QSOX1: variants seen among roughly 807,000 people sequenced by gnomAD.
The protein encoded by QSOX1 is sulfhydryl oxidase 1.
Under a neutral mutation model 76.1 loss-of-function variants are expected in QSOX1, and 40 were observed. The ratio of observed to expected loss-of-function variants is 0.53; its 90% CI spans 0.41 to 0.68. The LOEUF (loss-of-function observed/expected upper bound fraction) is 0.68, where lower values mean the gene tolerates loss of function less well. QSOX1 is among the 30% of genes least tolerant of loss of function. The pLI is 0.00. For missense variants in QSOX1, 931 were observed against 974.3 expected (o/e 0.96, Z 0.59); for synonymous variants, 392 against 413.1 (o/e 0.95, Z 0.62).
At chr1:180,170,013 C>A (rs758157488) in intron 2 of QSOX1, among the ~76,000 whole-genome samples, 3 of 152,164 alleles carry the variant, frequency 2.0e-5, no homozygotes, top group Non-Finnish European at 4.4e-5. Flanking sequence ...AGGTGAGAGC[C>A]AAGGCCCTCT....
At chr1:180,178,042 C>A (rs185629761) in intron 4 of QSOX1, among the ~76,000 whole-genome samples, 1 of 152,264 alleles carries the variant, frequency 6.6e-6, no homozygotes. Context: ...GAGCACATCT[C>A]CCCCTTGGTC....
intron 2 of QSOX1, among the ~76,000 whole-genome samples, chr1:180,168,670 A>AT (rs376736779): frequency 7.1e-4 from 105 of 148,862 alleles, no homozygotes; most frequent in Admixed American, 1.1e-3. Context: ...TTTCTGTTCT[A>AT]TTTTTTTTTT....
Position 180,197,155 on chromosome 1 carries a change from T to A in QSOX1, c.*118T>A, listed in dbSNP as rs1663517305. On this transcript the variant is annotated 3_prime_UTR_variant, in exon 12 of 12. Coordinates refer to ENST00000367602, the MANE Select transcript of QSOX1 (RefSeq NM_002826.5). Reference sequence around the variant, plus strand: ...TGTCTGGCCTAGAAGTGTGGGAAATTCAGGAAAACGAGTTGCTCCAGTGAA... The same window carrying A: ...TGTCTGGCCTAGAAGTGTGGGAAATACAGGAAAACGAGTTGCTCCAGTGAA... The A allele has an allele frequency of 2.0e-6, 3 of 1,505,380 alleles. No individual in the cohort carries two copies. Among genetic ancestry groups the A allele is most frequent in the Non-Finnish European group, 2.7e-6 (3 of 1,130,542 alleles). 93.3% of individuals were successfully genotyped at this position (1,505,380 alleles called of 1,614,324 possible).
intron 5 of QSOX1, 106 bp downstream of exon 5, chr1:180,178,990 G>C: frequency 9.8e-7 from 1 of 1,019,982 alleles, no homozygotes; most frequent in Non-Finnish European, 1.5e-6. Context: ...GGCTGCCTGG[G>C]TCTTTTAGCC....
Position 180,197,100 on chromosome 1 carries a change from C to T in QSOX1, c.*63C>T. ...TCTAGGCACCTCAAGCCCCCTGACC[C>T]CATTCCCTCCCCTCCCACCCCTTGC... On this transcript the variant is annotated 3_prime_UTR_variant, in exon 12 of 12. Transcript: ENST00000367602. The T allele has an allele frequency of 1.3e-6, 2 of 1,514,458 alleles. No individual in the cohort carries two copies. Among genetic ancestry groups the T allele is most frequent in the Admixed American group, 2.2e-5 (1 of 46,466 alleles). 93.8% of individuals were successfully genotyped at this position (1,514,458 alleles called of 1,614,324 possible).
At chr1:180,182,897 C>T (rs1663075152) in intron 6 of QSOX1, among the ~76,000 whole-genome samples, 1 of 152,188 alleles carries the variant, frequency 6.6e-6, no homozygotes, top group African/African-American at 2.4e-5. Context: ...AGCATTGGGC[C>T]AGGGAGGCAA....
chr1:180,169,120 C>T (rs190105547), intron 2 of QSOX1, among the ~76,000 whole-genome samples: 62 of 152,328 alleles, frequency 4.1e-4, no homozygotes, highest in Middle Eastern at 3.4e-3. Context: ...CCCTGAAGGG[C>T]GGGCCAGCTG....
At position 180,183,973 on chromosome 1, in the gene QSOX1, C is replaced by T. The variant is rs1438512926; in HGVS notation, c.810C>T (p.Thr270=). ...TAYLQRLSGL[T]REAAQTTVAP... is the part of the protein sequence containing the mutation. ...ACCTGCAGAGACTCTCTGGGCTCAC[C>T]AGGGAGGCTGCCCAGACCACAGTTG... is the stretch of plus-strand genomic sequence containing the variant. Residue 270 remains threonine (T), a synonymous_variant, in exon 7 of 12, where the codon ACC becomes ACT. Coordinates refer to ENST00000367602, the MANE Select transcript of QSOX1 (RefSeq NM_002826.5). 6 of 1,613,674 alleles carry T rather than the reference C, an allele frequency of 3.7e-6. No homozygotes were observed. Among genetic ancestry groups the T allele is most frequent in the Non-Finnish European group, 5.1e-6 (6 of 1,179,684 alleles).
rs75579085 is a variant in QSOX1 at position 180,178,736 on chromosome 1, C to A, written c.516-58C>A. The A allele has an allele frequency of 5.1e-3, 7,663 of 1,497,292 alleles. 286 individuals are homozygous for A. In the African/African-American group the frequency reaches 0.088, roughly 17 times the overall value. The allele number at this position is 1,497,292 out of a possible 1,614,324, so 92.8% of individuals were successfully genotyped here. ...CATCACCAGCGTCTGGCGTTGCCAG[C>A]GGTTTTGTCTTATTTCTGCTGGCTG... On this transcript the variant is annotated intron_variant, in intron 4 of 11. Transcript: ENST00000367602.
chr1:180,195,000 G>C (rs927670760), intron 11 of QSOX1, among the ~76,000 whole-genome samples: 1 of 151,202 alleles, frequency 6.6e-6, no homozygotes, highest in East Asian at 2.0e-4. Context: ...GCCTCCCGGG[G>C]GGGGGAGACC....
At chr1:180,189,286 G>A (rs1663247936) in intron 8 of QSOX1, among the ~76,000 whole-genome samples, 1 of 152,104 alleles carries the variant, frequency 6.6e-6, no homozygotes, top group Admixed American at 6.5e-5. Flanking sequence ...GAGACTTCCA[G>A]GACCCCACCC....
chr1:180,189,593 C>T lies in QSOX1; in HGVS notation c.1059C>T (p.Ser353=), dbSNP rs143317155. 9.9e-6 allele frequency: 16 copies of T among 1,613,136 alleles called. No individual in the cohort carries two copies. Among genetic ancestry groups the T allele is most frequent in the South Asian group, 8.8e-5 (8 of 91,060 alleles). ...CCTTAGTCCAGAACTTCCTGCACTC[C>T]GTGAATGAATGGCTCAAGAGGCAGA... ...GRPLVQNFLH[S]VNEWLKRQKR... is the part of the protein sequence containing the mutation. Residue 353 remains serine (S), a synonymous_variant, in exon 9 of 12, where the codon TCC becomes TCT. Transcript: ENST00000367602.
chr1:180,166,737 G>C lies in QSOX1; in HGVS notation c.366+146G>C, dbSNP rs114307591. On this transcript the variant is annotated intron_variant, in intron 2 of 11. Transcript: ENST00000367602. ...AGGTGATCATCACTTGGGCTGGTGA[G>C]AGCTCCCACCTCCCAAGGTCCTCTT... 4.3e-3 allele frequency: 3,250 copies of C among 761,846 alleles called. 16 individuals carry two copies. Among genetic ancestry groups the C allele is most frequent in the Non-Finnish European group, 6.1e-3 (2,770 of 455,940 alleles). The allele number at this position is 761,846 out of a possible 1,614,324, so 47.2% of individuals were successfully genotyped here.
In QSOX1 at chr1:180,155,001, C is replaced by T. The variant is rs550709452; in HGVS notation, c.94C>T (p.Arg32Trp). ...LAVPGANAAPRSALYSPSDPL... is the reference protein window; with the variant it reads ...LAVPGANAAPWSALYSPSDPL... The stretch of plus-strand genomic sequence containing the variant: ...GGTTCCCGGCGCTAACGCGGCCCCG[C>T]GGTCGGCGCTCTATTCGCCTTCCGA... The change falls in exon 1 of 12, where the codon CGG (arginine) becomes TGG (tryptophan). Residue 32 changes from arginine to tryptophan, a missense_variant. By Grantham distance (101) the Arg-to-Trp change is moderately radical (BLOSUM62 -3). Coordinates refer to ENST00000367602, the MANE Select transcript of QSOX1 (RefSeq NM_002826.5). The T allele has an allele frequency of 1.1e-4, 169 of 1,510,312 alleles. 1 individual carries two copies. The Admixed American group carries it at 1.2e-3, about 11-fold the overall frequency. 93.6% of individuals were successfully genotyped at this position (1,510,312 alleles called of 1,614,324 possible). A position where few individuals can be genotyped will look rare whatever the true frequency, so the allele number is the denominator to read the frequency against.
chr1:180,187,496 G>C (rs1266966864), intron 8 of QSOX1, among the ~76,000 whole-genome samples: 1 of 152,184 alleles, frequency 6.6e-6, no homozygotes, highest in African/African-American at 2.4e-5. Context: ...CACCACCCTA[G>C]TCCAGTACTC....
intron 7 of QSOX1, among the ~76,000 whole-genome samples, chr1:180,185,378 G>A (rs1422889391): frequency 6.6e-6 from 1 of 152,180 alleles, no homozygotes; most frequent in Non-Finnish European, 1.5e-5. Context: ...AACTTTCCTG[G>A]CCCCTGCCAT....
rs200810469 is a variant in QSOX1 at position 180,196,448 on chromosome 1, G to A, written c.1655G>A (p.Arg552Gln). Residue 552 changes from arginine to glutamine, a missense_variant, in exon 12 of 12, where the codon CGG (arginine) becomes CAG (glutamine). Transcript: ENST00000367602. The surrounding 1 kb of genome is among the most constrained non-coding windows in gnomAD (Gnocchi z 4.1). The stretch of plus-strand genomic sequence containing the variant: ...TTCCCTGCAGCTGGGTCAGCTGCCC[G>A]GAGGGATGTGCAGAATGTGGCAGCC... ...LDFPAAGSAA[R>Q]RDVQNVAAAP... is the part of the protein sequence containing the mutation. The A allele has an allele frequency of 2.2e-5, 36 of 1,614,102 alleles. No individual in the cohort carries two copies. The highest frequency in any genetic ancestry group is 9.9e-5 in the South Asian group (9 of 91,080).
chr1:180,181,967 G>A (rs1025976988), intron 5 of QSOX1, among the ~76,000 whole-genome samples: 2 of 152,250 alleles, frequency 1.3e-5, no homozygotes, highest in African/African-American at 4.8e-5. Context: ...CTCCTCCTGG[G>A]CAGTGATTGG....
intron 7 of QSOX1, 32 bp downstream of exon 7, chr1:180,184,082 C>T (rs1379241235): frequency 6.8e-6 from 11 of 1,610,502 alleles, no homozygotes; most frequent in Non-Finnish European, 8.5e-6. Context: ...CTCACTTCTT[C>T]TCCTTCCTCT....
Sources: gnomAD v4.1 joint callset for allele counts (sites outside exome capture counted in the v4.1 genomes callset) on GRCh38, gnomAD v4.1.1 for gene constraint, Gnocchi (gnomAD v3.1) non-coding constraint, MANE v1.5 for transcripts, NCBI Gene and HGNC (gene_info 2026-07-23, HGNC 2026-07-21) for gene names.